Variants in ERBB4 observed in about 807,000 individuals in gnomAD.
ERBB4 encodes the protein receptor tyrosine-protein kinase erbB-4.
A neutral mutation model predicts 158.0 loss-of-function variants in ERBB4; 42 were observed. The observed-to-expected ratio is 0.27, with a 90% confidence interval of 0.21 to 0.34. The LOEUF is 0.34. Ranked by LOEUF, ERBB4 falls within the 10% of genes least tolerant of loss-of-function variation. The probability of loss-of-function intolerance (pLI) is 1.00; values close to 1 mark genes in which losing one functional copy is unlikely to be tolerated. For synonymous variants in ERBB4, 583 were observed against 558.7 expected, an observed-to-expected ratio of 1.04 and a Z score of -0.61; for missense variants, 1,333 against 1,624.1, an observed-to-expected ratio of 0.82 and a Z score of 3.08.
chr2:212,310,823 T>G (rs773887687), intron 1 of ERBB4, among the ~76,000 whole-genome samples: 3 of 150,402 alleles, frequency 2.0e-5, no homozygotes, highest in African/African-American at 7.3e-5. Flanking sequence ...CTGGTAGAAG[T>G]AGAATGTAAA....
chr2:211,497,680 T>C (rs552643940), intron 20 of ERBB4, among the ~76,000 whole-genome samples: 36 of 152,230 alleles, frequency 2.4e-4, no homozygotes, highest in African/African-American at 8.4e-4. Context: ...TGATTGAATA[T>C]GCTATAGGGA....
At chr2:211,555,302 C>T (rs1036191620) in intron 20 of ERBB4, among the ~76,000 whole-genome samples, 16 of 152,172 alleles carry the variant, frequency 1.1e-4, no homozygotes, top group African/African-American at 3.4e-4. Flanking sequence ...TCTCCTGCCT[C>T]AGCCTCCCTA....
chr2:211,772,832 T>TAC (rs375823677), intron 4 of ERBB4, among the ~76,000 whole-genome samples: 4,227 of 14,128 alleles, frequency 0.3, 502 homozygotes, highest in South Asian at 0.54. Context: ...TATATATATA[T>TAC]ATACACATAT....
intron 5 of ERBB4, among the ~76,000 whole-genome samples, chr2:211,738,207 T>C (rs2074666716): frequency 6.6e-6 from 1 of 152,122 alleles, no homozygotes; most frequent in Non-Finnish European, 1.5e-5. Context: ...ATGTTTTTAA[T>C]TTATAAAGTT....
At chr2:212,453,509 AG>A (rs1688113237) in intron 1 of ERBB4, among the ~76,000 whole-genome samples, 1 of 152,184 alleles carries the variant, frequency 6.6e-6, no homozygotes, top group Non-Finnish European at 1.5e-5. Flanking sequence ...TTGTTTAAAT[AG>A]GGTTCTTATT....
intron 1 of ERBB4, among the ~76,000 whole-genome samples, chr2:212,369,850 T>A (rs1025874124): frequency 6.6e-6 from 1 of 152,046 alleles, no homozygotes; most frequent in Non-Finnish European, 1.5e-5. Flanking sequence ...AGCCACTGCA[T>A]CTGGCTGGAA....
At chr2:212,455,454 A>T (rs1048691188) in intron 1 of ERBB4, among the ~76,000 whole-genome samples, 1 of 152,166 alleles carries the variant, frequency 6.6e-6, no homozygotes, top group African/African-American at 2.4e-5. Context: ...GCATTGTCCA[A>T]TATGGTAGCC....
At chr2:212,173,793 C>T (rs1173813848) in intron 1 of ERBB4, among the ~76,000 whole-genome samples, 2 of 152,040 alleles carry the variant, frequency 1.3e-5, no homozygotes, top group African/African-American at 4.8e-5. Flanking sequence ...AGAACAATGT[C>T]GTTTGCACAT....
intron 20 of ERBB4, among the ~76,000 whole-genome samples, chr2:211,470,524 T>G (rs1424815054): frequency 6.6e-6 from 1 of 152,156 alleles, no homozygotes; most frequent in Non-Finnish European, 1.5e-5. Context: ...GTAGCATTTT[T>G]TTTACTTTCA....
chr2:212,289,836 C>T (rs1009650662), intron 1 of ERBB4, among the ~76,000 whole-genome samples: 1 of 152,128 alleles, frequency 6.6e-6, no homozygotes, highest in Non-Finnish European at 1.5e-5. Flanking sequence ...AGAGTATTCT[C>T]AAATTATGTC....
chr2:212,036,920 G>GA (rs1180402961), intron 2 of ERBB4, among the ~76,000 whole-genome samples: 3 of 152,130 alleles, frequency 2.0e-5, no homozygotes, highest in African/African-American at 7.2e-5. Flanking sequence ...TCCCCGAATT[G>GA]AAAAGCAAAT....
At chr2:212,196,708 C>T (rs1295676324) in intron 1 of ERBB4, among the ~76,000 whole-genome samples, 3 of 152,046 alleles carry the variant, frequency 2.0e-5, no homozygotes, top group African/African-American at 4.8e-5. Context: ...TCAATTTAAG[C>T]GATTCCTTTG....
intron 2 of ERBB4, among the ~76,000 whole-genome samples, chr2:211,957,084 C>T (rs1029839410): frequency 2.0e-5 from 3 of 152,026 alleles, no homozygotes; most frequent in African/African-American, 7.2e-5. Context: ...CCTGCCTTTG[C>T]CTCCCAAAGT....
chr2:211,885,144 C>T (rs1378491606), intron 3 of ERBB4, among the ~76,000 whole-genome samples: 1 of 151,944 alleles, frequency 6.6e-6, no homozygotes, highest in Non-Finnish European at 1.5e-5. Context: ...GTAATAAGGC[C>T]ATAAACATCT....
At chr2:212,000,110 G>A (rs2076070346) in intron 2 of ERBB4, among the ~76,000 whole-genome samples, 1 of 151,552 alleles carries the variant, frequency 6.6e-6, no homozygotes, top group African/African-American at 2.4e-5. Context: ...AATTAATAAA[G>A]GTATTAACAC....
intron 9 of ERBB4, among the ~76,000 whole-genome samples, chr2:211,705,707 A>G (rs2073412842): frequency 6.6e-6 from 1 of 152,200 alleles, no homozygotes; most frequent in African/African-American, 2.4e-5. Flanking sequence ...TTTGTTTTAA[A>G]AGTTTATTCT....
intron 1 of ERBB4, among the ~76,000 whole-genome samples, chr2:212,177,075 T>G (rs1348541364): frequency 2.0e-5 from 3 of 152,044 alleles, no homozygotes; most frequent in African/African-American, 7.2e-5. Context: ...ATAAGTATTG[T>G]GATTAATATG....
intron 1 of ERBB4, among the ~76,000 whole-genome samples, chr2:212,529,959 G>C (rs1456595600): frequency 1.3e-5 from 2 of 152,110 alleles, no homozygotes; most frequent in East Asian, 3.8e-4. Context: ...AGGTCAGTCT[G>C]GTTTTTAGAC....
At chr2:211,923,910 CG>C (rs1559110595) in intron 3 of ERBB4, among the ~76,000 whole-genome samples, 3 of 152,054 alleles carry the variant, frequency 2.0e-5, no homozygotes, top group African/African-American at 7.2e-5. Flanking sequence ...TGAGTAGAGA[CG>C]GGGTTTCACC....
Sources: allele counts gnomAD v4.1 joint callset (sites outside exome capture counted in the v4.1 genomes callset), GRCh38; gene constraint gnomAD v4.1.1; transcripts MANE v1.5; gene names NCBI Gene and HGNC (gene_info 2026-07-23, HGNC 2026-07-21).